The following UBE2E3 variants were observed in gnomAD, a reference collection of about 807,000 sequenced individuals.
UBE2E3 encodes the protein ubiquitin-conjugating enzyme E2 E3.
Under a neutral mutation model 23.6 loss-of-function variants are expected in UBE2E3, and 5 were observed. The observed-to-expected ratio is 0.21, with a 90% CI of 0.11 to 0.44. The LOEUF (loss-of-function observed/expected upper bound fraction) is 0.44, where lower values mean the gene tolerates loss of function less well. Among genes scored for constraint, UBE2E3 ranks in the 20% least tolerant of loss-of-function variants. The pLI, the probability that UBE2E3 is intolerant of heterozygous loss-of-function variation, is 0.99. For synonymous variants in UBE2E3, 78 were observed against 87.5 expected (o/e 0.89, Z 0.60); for missense variants, 81 against 249.8 (o/e 0.32, Z 4.55).
intron 3 of UBE2E3, among the ~76,000 whole-genome samples, chr2:181,042,798 T>C (rs527376430): frequency 1.6e-4 from 24 of 152,324 alleles, no homozygotes; most frequent in Non-Finnish European, 2.5e-4. Flanking sequence ...GAAAATTACA[T>C]AATAGTAGGA....
intron 3 of UBE2E3, among the ~76,000 whole-genome samples, chr2:180,994,666 A>G (rs1684773282): frequency 6.6e-6 from 1 of 152,232 alleles, no homozygotes; most frequent in Non-Finnish European, 1.5e-5. Context: ...GAGTGGGTTC[A>G]TTTATACACG....
intron 3 of UBE2E3, among the ~76,000 whole-genome samples, chr2:180,986,371 C>A (rs1332406588): frequency 6.6e-6 from 1 of 152,060 alleles, no homozygotes; most frequent in Non-Finnish European, 1.5e-5. Flanking sequence ...TCTTCAAATT[C>A]TTGTGGGTGG....
At chr2:181,024,695 T>C (rs1268028525) in intron 3 of UBE2E3, among the ~76,000 whole-genome samples, 3 of 152,074 alleles carry the variant, frequency 2.0e-5, no homozygotes, top group Admixed American at 2.0e-4. Context: ...TAGTGACTAC[T>C]TATATGCTCA....
At chr2:180,983,331 A>G (rs1250984899) in intron 2 of UBE2E3, among the ~76,000 whole-genome samples, 1 of 152,234 alleles carries the variant, frequency 6.6e-6, no homozygotes, top group Non-Finnish European at 1.5e-5. Context: ...TCAATTTGGT[A>G]TAGTGTTGAT....
At chr2:181,034,604 C>T (rs944281762) in intron 3 of UBE2E3, among the ~76,000 whole-genome samples, 5 of 152,038 alleles carry the variant, frequency 3.3e-5, no homozygotes, top group Non-Finnish European at 7.4e-5. Flanking sequence ...TGCAGCACAC[C>T]AACATGGCAC....
At chr2:181,001,602 G>A (rs1684993277) in intron 3 of UBE2E3, among the ~76,000 whole-genome samples, 1 of 152,238 alleles carries the variant, frequency 6.6e-6, no homozygotes, top group East Asian at 1.9e-4. Context: ...AAGGAGATTA[G>A]GAGCCTGAAA....
At chr2:181,042,241 A>G (rs1686535110) in intron 3 of UBE2E3, among the ~76,000 whole-genome samples, 1 of 152,254 alleles carries the variant, frequency 6.6e-6, no homozygotes, top group African/African-American at 2.4e-5. Flanking sequence ...TGTGCTGAGC[A>G]TTGCTCAGTC....
At chr2:181,003,898 ACTAT>A (rs1403133659) in intron 3 of UBE2E3, among the ~76,000 whole-genome samples, 1 of 152,210 alleles carries the variant, frequency 6.6e-6, no homozygotes, top group Non-Finnish European at 1.5e-5. Flanking sequence ...GGAAGATGTT[ACTAT>A]CTTTTTAGAA....
chr2:181,041,234 C>CAAAGAAAAAAAAAAA (rs1686490087), intron 3 of UBE2E3, among the ~76,000 whole-genome samples: 1 of 77,196 alleles, frequency 1.3e-5, no homozygotes, highest in Non-Finnish European at 2.4e-5. Context: ...GACTCCGTCT[C>CAAAGAAAAAAAAAAA]AAAAAAAAAA....
chr2:181,007,911 A>G (rs1478131280), intron 3 of UBE2E3, among the ~76,000 whole-genome samples: 1 of 152,236 alleles, frequency 6.6e-6, no homozygotes, highest in Non-Finnish European at 1.5e-5. Flanking sequence ...CTAACATTTA[A>G]TGAAGTCTTG....
At chr2:180,992,139 T>C (rs1193014709) in intron 3 of UBE2E3, among the ~76,000 whole-genome samples, 1 of 152,234 alleles carries the variant, frequency 6.6e-6, no homozygotes, top group Non-Finnish European at 1.5e-5. Context: ...TTGGGTTTTT[T>C]GTCTTGTAAC....
chr2:181,003,471 G>T (rs934213767), intron 3 of UBE2E3, among the ~76,000 whole-genome samples: 1 of 152,110 alleles, frequency 6.6e-6, no homozygotes, highest in Admixed American at 6.5e-5. Context: ...TTCCAGGGGG[G>T]ATGACGCTGT....
chr2:181,033,220 A>C (rs1686142729), intron 3 of UBE2E3, among the ~76,000 whole-genome samples: 1 of 152,226 alleles, frequency 6.6e-6, no homozygotes, highest in Non-Finnish European at 1.5e-5. Context: ...CCGCATTGCC[A>C]AGACAATCCT....
chr2:181,026,969 A>G (rs1685911052), intron 3 of UBE2E3, among the ~76,000 whole-genome samples: 1 of 151,982 alleles, frequency 6.6e-6, no homozygotes, highest in African/African-American at 2.4e-5. Context: ...TGTAGATTTT[A>G]CTAATCAGCT....
intron 3 of UBE2E3, among the ~76,000 whole-genome samples, chr2:181,054,227 T>G (rs746599634): frequency 2.6e-5 from 4 of 151,884 alleles, no homozygotes; most frequent in Non-Finnish European, 5.9e-5. Context: ...GTGTGATTAC[T>G]GGATCTTATG....
intron 3 of UBE2E3, among the ~76,000 whole-genome samples, chr2:181,040,866 T>C (rs1404381135): frequency 3.9e-5 from 6 of 152,146 alleles, no homozygotes; most frequent in Non-Finnish European, 7.4e-5. Flanking sequence ...GAGCTATTTT[T>C]TTACCTTAGA....
intron 3 of UBE2E3, among the ~76,000 whole-genome samples, chr2:181,004,537 G>A (rs991461369): frequency 1.6e-4 from 25 of 152,236 alleles, no homozygotes; most frequent in African/African-American, 5.8e-4. Flanking sequence ...GGAGGCTGAG[G>A]CAGGAGAATC....
intron 3 of UBE2E3, among the ~76,000 whole-genome samples, chr2:181,036,690 T>TC (rs1467600434): frequency 2.0e-5 from 3 of 152,246 alleles, no homozygotes; most frequent in African/African-American, 7.2e-5. Flanking sequence ...TCAGCCACCC[T>TC]CTACCCTGAA....
chr2:181,062,319 G>C lies in UBE2E3; in HGVS notation c.527-472G>C, dbSNP rs1262222926. The stretch of plus-strand genomic sequence containing the variant: ...CTACTTAAAACAAAATGGCAAGTAA[G>C]TTTTCAAGTGTAAATATTGATAGTG... On this transcript the variant is annotated intron_variant, in intron 5 of 5. Coordinates refer to ENST00000410062, the MANE Select transcript of UBE2E3 (RefSeq NM_006357.4). 7.2e-5 allele frequency among the ~76,000 whole-genome samples: 11 copies of C among 151,772 alleles called. No individual in the cohort carries two copies. The East Asian group carries it at 2.1e-3, about 30-fold the overall frequency.
Sources: gnomAD v4.1 joint callset for allele counts (sites outside exome capture counted in the v4.1 genomes callset) on GRCh38, gnomAD v4.1.1 for gene constraint, MANE v1.5 for transcripts, NCBI Gene and HGNC (gene_info 2026-07-23, HGNC 2026-07-21) for gene names.